FAM199X: variants seen among roughly 807,000 people sequenced by gnomAD.
FAM199X encodes the protein protein FAM199X.
A neutral mutation model predicts 22.9 loss-of-function variants in FAM199X; 4 were observed. The observed-to-expected ratio is 0.17, with a 90% CI of 0.09 to 0.40. FAM199X has a LOEUF of 0.40. FAM199X is among the 10% of genes least tolerant of loss of function. The pLI is 1.00. For missense variants in FAM199X, 183 were observed against 306.8 expected, an observed-to-expected ratio of 0.60 and a Z score of 3.01; for synonymous variants, 101 against 112.3, an observed-to-expected ratio of 0.90 and a Z score of 0.64.
chrX:104,157,254 T>TA, the FAM199X span, among the ~76,000 whole-genome samples: 1 of 112,088 alleles, frequency 8.9e-6, no homozygotes, highest in African/African-American at 3.2e-5. Context: ...GAGCTTAACT[T>TA]ACTTAGGTGA....
At chrX:104,173,409 T>G (rs1229274011) in intron 1 of FAM199X, among the ~76,000 whole-genome samples, 1 of 111,666 alleles carries the variant, frequency 9.0e-6, no homozygotes, top group African/African-American at 3.3e-5. Context: ...TATAATAGTG[T>G]GTGTGTGTTT....
At chrX:104,167,277 C>T (rs782683814) in intron 1 of FAM199X, among the ~76,000 whole-genome samples, 1 of 101,369 alleles carries the variant, frequency 9.9e-6, no homozygotes, top group African/African-American at 3.6e-5. Context: ...CTGTACCCTA[C>T]GAATCCCAAA....
Position 104,186,223 on chromosome X carries a change from T to G in FAM199X, c.567+8T>G, listed in dbSNP as rs782781655. On this transcript the variant is annotated splice_region_variant and intron_variant, in intron 3 of 5. Coordinates refer to ENST00000493442, the MANE Select transcript of FAM199X (RefSeq NM_207318.4). ...ATGACAAATGATGAGCAGGTAAAGA[T>G]CTTGACATTCTTAATTAAAAGCTTT... 2 of 1,199,293 alleles carry G rather than the reference T, an allele frequency of 1.7e-6. No homozygotes were observed. Among genetic ancestry groups the G allele is most frequent in the East Asian group, 5.9e-5 (2 of 33,689 alleles).
upstream of FAM199X, among the ~76,000 whole-genome samples, chrX:104,163,813 G>A (rs1556373122): frequency 9.4e-6 from 1 of 106,878 alleles, no homozygotes; most frequent in East Asian, 3.0e-4. Flanking sequence ...GACTACAGGT[G>A]TGCACCACCA....
At chrX:104,167,927 G>C (rs1479639913) in intron 1 of FAM199X, among the ~76,000 whole-genome samples, 1 of 111,037 alleles carries the variant, frequency 9.0e-6, no homozygotes, top group Non-Finnish European at 1.9e-5. Flanking sequence ...CTCTAGGAGA[G>C]GGGTTCAGCT....
chrX:104,166,438 C>G (rs1421254017), upstream of FAM199X, among the ~76,000 whole-genome samples: 2 of 112,321 alleles, frequency 1.8e-5, no homozygotes, highest in Admixed American at 9.3e-5. Context: ...TTGCGGGCGC[C>G]GGGCAGACTG....
intron 5 of FAM199X, 22 bp from the exon 6 acceptor site, chrX:104,189,586 T>G (rs1556379925): frequency 1.5e-5 from 18 of 1,209,320 alleles, no homozygotes; most frequent in Non-Finnish European, 2.0e-5. Flanking sequence ...CCAAACTGAT[T>G]TAGAAATTTT....
At chrX:104,167,256 C>T (rs1921231312) in intron 1 of FAM199X, among the ~76,000 whole-genome samples, 1 of 105,718 alleles carries the variant, frequency 9.5e-6, no homozygotes, top group African/African-American at 3.5e-5. Context: ...GCTTCCCTTC[C>T]CTCCCCCCAT....
At chrX:104,180,798 A>G (rs886354557) in intron 2 of FAM199X, among the ~76,000 whole-genome samples, 1 of 112,430 alleles carries the variant, frequency 8.9e-6, no homozygotes, top group Non-Finnish European at 1.9e-5. Flanking sequence ...TAGTTAAAAA[A>G]TTTGTATTCT....
intron 1 of FAM199X, among the ~76,000 whole-genome samples, chrX:104,171,545 T>G (rs1225526139): frequency 8.9e-6 from 1 of 112,165 alleles, no homozygotes; most frequent in East Asian, 2.8e-4. Context: ...AAATTTTTAT[T>G]TAAAAACTTA....
chrX:104,177,043 C>G (rs1264943453), intron 2 of FAM199X, among the ~76,000 whole-genome samples: 3 of 111,506 alleles, frequency 2.7e-5, no homozygotes, highest in African/African-American at 9.8e-5. Flanking sequence ...AATATACTCA[C>G]AGTTGTTCAG....
upstream of FAM199X, among the ~76,000 whole-genome samples, chrX:104,164,744 G>A (rs954786767): frequency 2.7e-5 from 3 of 110,814 alleles, no homozygotes; most frequent in African/African-American, 9.9e-5. Flanking sequence ...GCCAGGTGTC[G>A]TGGCACATGC....
At chrX:104,171,498 T>A (rs1556375390) in intron 1 of FAM199X, among the ~76,000 whole-genome samples, 1 of 111,952 alleles carries the variant, frequency 8.9e-6, no homozygotes, top group East Asian at 2.8e-4. Context: ...TCATTACAAG[T>A]TTGAAACTGA....
At position 104,166,680 on chromosome X, in the gene FAM199X, A is replaced by G. The variant is rs1921200277; in HGVS notation, c.-106A>G. ...AGCCTGCCAGTGAGCTGCGACGGGC[A>G]CACCCCGGAGCGTCGGCGACTGCGG... On this transcript the variant is annotated 5_prime_UTR_variant, in exon 1 of 6. Coordinates refer to ENST00000493442, the MANE Select transcript of FAM199X (RefSeq NM_207318.4). 4.1e-6 allele frequency: 3 copies of G among 726,819 alleles called. No homozygotes were observed. The highest frequency in any genetic ancestry group is 5.8e-6 in the Non-Finnish European group (3 of 519,410). 59.9% of individuals were successfully genotyped at this position (726,819 alleles called of 1,213,427 possible).
intron 2 of FAM199X, among the ~76,000 whole-genome samples, chrX:104,178,893 C>T (rs781826956): frequency 1.8e-5 from 2 of 111,262 alleles, no homozygotes; most frequent in East Asian, 2.8e-4. Context: ...TTTGATAAGC[C>T]GAGGTGGGTA....
intron 2 of FAM199X, among the ~76,000 whole-genome samples, chrX:104,180,159 T>C (rs1361630179): frequency 1.8e-5 from 2 of 108,203 alleles, no homozygotes; most frequent in Non-Finnish European, 3.8e-5. Context: ...TTTTAATTTT[T>C]TTGTAGAGAC....
chrX:104,162,679 A>G (rs1210875281), upstream of FAM199X, among the ~76,000 whole-genome samples: 9 of 112,287 alleles, frequency 8.0e-5, no homozygotes, highest in Non-Finnish European at 1.9e-5. Context: ...TGGAGGAAAG[A>G]TAGTCTTTTC....
At chrX:104,158,406 G>A in the FAM199X span, among the ~76,000 whole-genome samples, 1 of 111,970 alleles carries the variant, frequency 8.9e-6, no homozygotes, top group Non-Finnish European at 1.9e-5. Context: ...AGACCACTGG[G>A]GATAAAGGTA....
chrX:104,173,345 AT>A (rs1306213299), intron 1 of FAM199X, among the ~76,000 whole-genome samples: 1 of 111,375 alleles, frequency 9.0e-6, no homozygotes, highest in Non-Finnish European at 1.9e-5. Context: ...GATGAATTTT[AT>A]TTTTTTTACT....
Sources: allele counts gnomAD v4.1 joint callset (sites outside exome capture counted in the v4.1 genomes callset), GRCh38; gene constraint gnomAD v4.1.1; transcripts MANE v1.5; gene names NCBI Gene and HGNC (gene_info 2026-07-23, HGNC 2026-07-21).